The following TNNI3K variants were observed in gnomAD, a reference collection of about 807,000 sequenced individuals.
The protein encoded by TNNI3K is serine/threonine-protein kinase TNNI3K.
Under a neutral mutation model 114.5 loss-of-function variants are expected in TNNI3K, and 140 were observed. The ratio of observed to expected loss-of-function variants is 1.22; its 90% CI spans 1.07 to 1.41. The LOEUF (loss-of-function observed/expected upper bound fraction) is 1.41. Ranked by LOEUF, TNNI3K falls within the 40% of genes most tolerant of loss-of-function variation. TNNI3K has a pLI of 0.00. For synonymous variants in TNNI3K, 347 were observed against 347.5 expected (o/e 1.00, Z 0.02); for missense variants, 1,125 against 1,007.6 (o/e 1.12, Z -1.58).
At chr1:74,317,799 C>T (rs1270662900) in intron 5 of TNNI3K, among the ~76,000 whole-genome samples, 4 of 152,170 alleles carry the variant, frequency 2.6e-5, no homozygotes, top group Non-Finnish European at 5.9e-5. Context: ...CAGCCCTGGG[C>T]ACTGTTGCCA....
At chr1:74,491,339 C>T (rs1466012395) in intron 22 of TNNI3K, among the ~76,000 whole-genome samples, 1 of 152,194 alleles carries the variant, frequency 6.6e-6, no homozygotes, top group Non-Finnish European at 1.5e-5. Flanking sequence ...CCTGCCTCAG[C>T]CTCCCCAGTA....
At chr1:74,535,600 C>T (rs1423175434) in intron 23 of TNNI3K, among the ~76,000 whole-genome samples, 2 of 152,186 alleles carry the variant, frequency 1.3e-5, no homozygotes, top group African/African-American at 4.8e-5. Flanking sequence ...AGAGGTGCTT[C>T]AGTCCTTAGC....
Position 74,490,950 on chromosome 1 carries a change from TG to T in TNNI3K, c.2182-1145del, listed in dbSNP as rs542419660. On this transcript the variant is annotated intron_variant, in intron 22 of 24. Transcript: ENST00000326637. ...GGCTTAGGAGCATCATGAATGCTAG[TG>T]GATAATAAGCTCATTGGGAGTTAAA... is the stretch of plus-strand genomic sequence containing the variant. Among the ~76,000 whole-genome samples, 447 of 152,318 alleles carry T rather than the reference TG, an allele frequency of 2.9e-3. 2 individuals are homozygous for T. The highest frequency in any genetic ancestry group is 0.01 in the African/African-American group (416 of 41,584).
intron 23 of TNNI3K, among the ~76,000 whole-genome samples, chr1:74,518,874 C>CTTTTTTTTT (rs1327871291): frequency 3.4e-5 from 1 of 29,052 alleles, no homozygotes; most frequent in Non-Finnish European, 6.0e-5. Context: ...TTTTTTTCCC[C>CTTTTTTTTT]TTTTTTTTTT....
intron 21 of TNNI3K, 130 bp downstream of exon 21, chr1:74,463,680 C>A: frequency 2.1e-6 from 2 of 942,158 alleles, no homozygotes; most frequent in East Asian, 2.6e-5. Flanking sequence ...TTGCCTTCTG[C>A]TCTTTAGTCT....
At chr1:74,380,592 C>T (rs1204571479) in intron 17 of TNNI3K, among the ~76,000 whole-genome samples, 1 of 152,124 alleles carries the variant, frequency 6.6e-6, no homozygotes, top group Admixed American at 6.6e-5. Flanking sequence ...CTGCAATTTT[C>T]TGGTGTTACT....
At chr1:74,307,311 C>T (rs1372582367) in intron 5 of TNNI3K, among the ~76,000 whole-genome samples, 1 of 152,132 alleles carries the variant, frequency 6.6e-6, no homozygotes, top group Non-Finnish European at 1.5e-5. Flanking sequence ...CTAATTGCTT[C>T]TCTTAAAAGA....
chr1:74,513,832 A>T (rs1406670450), intron 23 of TNNI3K, among the ~76,000 whole-genome samples: 1 of 152,192 alleles, frequency 6.6e-6, no homozygotes, highest in Non-Finnish European at 1.5e-5. Flanking sequence ...CAAAAAGGAG[A>T]CCTGAAAGCA....
At chr1:74,325,524 C>T (rs995888430) in intron 5 of TNNI3K, among the ~76,000 whole-genome samples, 38 of 152,114 alleles carry the variant, frequency 2.5e-4, no homozygotes, top group Admixed American at 2.3e-3. Flanking sequence ...AACTTATATT[C>T]AAAATGAATC....
intron 2 of TNNI3K, among the ~76,000 whole-genome samples, chr1:74,237,341 A>C (rs1653919553): frequency 6.6e-6 from 1 of 151,980 alleles, no homozygotes; most frequent in Non-Finnish European, 1.5e-5. Flanking sequence ...CTGGCATGTT[A>C]GTACAGTAGA....
At chr1:74,373,311 T>A (rs1444859005) in intron 17 of TNNI3K, 1 of 151,932 alleles carries the variant, frequency 6.6e-6, no homozygotes, top group Non-Finnish European at 1.5e-5. Flanking sequence ...AACGTAGAGT[T>A]TGAAGAACAG....
At chr1:74,510,531 A>C (rs1557617162) in intron 23 of TNNI3K, among the ~76,000 whole-genome samples, 1 of 152,074 alleles carries the variant, frequency 6.6e-6, no homozygotes, top group Non-Finnish European at 1.5e-5. Flanking sequence ...ATGAGAAAAA[A>C]ATTATTGAGA....
Position 74,329,197 on chromosome 1 carries a change from G to A in TNNI3K, c.445-2253G>A, listed in dbSNP as rs182755220. Among the ~76,000 whole-genome samples the A allele has an allele frequency of 1.3e-3, 199 of 152,184 alleles. 2 individuals carry two copies. The Middle Eastern group carries it at 0.014, about 10-fold the overall frequency. On this transcript the variant is annotated intron_variant, in intron 5 of 24. Transcript: ENST00000326637. ...TTTTGAATTTCACTTCTGCTCCCCA[G>A]AGGTTCAGTTTCTTCATCTTTAAAA...
At chr1:74,240,411 A>G (rs1654118299) in intron 2 of TNNI3K, 1 of 152,362 alleles carries the variant, frequency 6.6e-6, no homozygotes, top group South Asian at 2.1e-4. Flanking sequence ...AAGTGTTGCA[A>G]TTGCCATGTT....
chr1:74,476,688 A>G (rs1668223736), intron 21 of TNNI3K, among the ~76,000 whole-genome samples: 1 of 152,206 alleles, frequency 6.6e-6, no homozygotes, highest in Non-Finnish European at 1.5e-5. Flanking sequence ...GTGTCAGTAC[A>G]GATTGAATAA....
intron 21 of TNNI3K, among the ~76,000 whole-genome samples, chr1:74,465,177 C>G (rs958501355): frequency 1.3e-5 from 2 of 152,218 alleles, no homozygotes; most frequent in African/African-American, 4.8e-5. Context: ...TCCACTCTGG[C>G]CACACATGAG....
At chr1:74,543,772 A>G in intron 24 of TNNI3K, 134 bp from the exon 25 acceptor site, 1 of 921,116 alleles carries the variant, frequency 1.1e-6, no homozygotes, top group Admixed American at 2.3e-5. Context: ...CTTTGCAACT[A>G]CTCACCAGCA....
At chr1:74,466,314 C>A (rs909061938) in intron 21 of TNNI3K, among the ~76,000 whole-genome samples, 3 of 152,114 alleles carry the variant, frequency 2.0e-5, no homozygotes, top group African/African-American at 7.2e-5. Flanking sequence ...AGTGTCTCTT[C>A]ATAATTATAG....
chr1:74,388,093 T>C (rs1217410398), intron 17 of TNNI3K, among the ~76,000 whole-genome samples: 2 of 151,986 alleles, frequency 1.3e-5, no homozygotes, highest in African/African-American at 4.8e-5. Context: ...GCCTGGCCAA[T>C]ATGGCGAAAC....
Sources: gnomAD v4.1 joint callset for allele counts (sites outside exome capture counted in the v4.1 genomes callset) on GRCh38, gnomAD v4.1.1 for gene constraint, MANE v1.5 for transcripts, NCBI Gene and HGNC (gene_info 2026-07-23, HGNC 2026-07-21) for gene names.